ADAMTSL1: variants seen among roughly 807,000 people sequenced by gnomAD.
The protein encoded by ADAMTSL1 is ADAMTS like 1.
In ADAMTSL1, 126 loss-of-function variants were observed where a neutral mutation model predicts 201.8. That is an observed-to-expected ratio of 0.62 (90% CI 0.54 to 0.72). The LOEUF (loss-of-function observed/expected upper bound fraction) is 0.72, where lower values mean the gene tolerates loss of function less well. ADAMTSL1 is among the 30% of genes least tolerant of loss of function. The pLI, the probability that ADAMTSL1 is intolerant of heterozygous loss-of-function variation, is 0.00. For missense variants in ADAMTSL1, 2,679 were observed against 2,277.8 expected (o/e 1.18, Z -3.59); for synonymous variants, 1,121 against 903.4 (o/e 1.24, Z -4.32).
At chr9:18,565,930 A>G (rs1821865079) in intron 3 of ADAMTSL1, among the ~76,000 whole-genome samples, 1 of 152,210 alleles carries the variant, frequency 6.6e-6, no homozygotes, top group South Asian at 2.1e-4. Flanking sequence ...CGTGCTTACA[A>G]CATTAAATGT....
intron 1 of ADAMTSL1, among the ~76,000 whole-genome samples, chr9:18,483,437 A>C (rs969428290): frequency 3.3e-5 from 5 of 152,122 alleles, no homozygotes; most frequent in Non-Finnish European, 5.9e-5. Flanking sequence ...AACAGCCATC[A>C]TGCTGGCTTT....
At chr9:18,436,278 C>T (rs927233271) in intron 2 of ADAMTSL1, among the ~76,000 whole-genome samples, 1 of 152,136 alleles carries the variant, frequency 6.6e-6, no homozygotes, top group African/African-American at 2.4e-5. Context: ...CCACTCACCT[C>T]TTCCATTTCC....
intron 20 of ADAMTSL1, among the ~76,000 whole-genome samples, chr9:18,814,049 A>C (rs535682806): frequency 1.3e-5 from 2 of 152,294 alleles, no homozygotes; most frequent in South Asian, 4.1e-4. Context: ...CTTTTTCTAC[A>C]TCTATTGTCT....
At chr9:18,472,015 C>A (rs1327810682), upstream of ADAMTSL1, among the ~76,000 whole-genome samples, 2 of 152,160 alleles carry the variant, frequency 1.3e-5, no homozygotes, top group African/African-American at 4.8e-5. Flanking sequence ...TTTCTTTCTC[C>A]CATTACCTAT....
At chr9:18,090,109 A>T (rs993706810) in intron 1 of ADAMTSL1, among the ~76,000 whole-genome samples, 5 of 148,692 alleles carry the variant, frequency 3.4e-5, no homozygotes, top group African/African-American at 1.2e-4. Flanking sequence ...AAAAAGAAAA[A>T]GAAAGTAAGT....
intron 2 of ADAMTSL1, among the ~76,000 whole-genome samples, chr9:18,369,760 A>G (rs1029195336): frequency 6.6e-5 from 10 of 152,298 alleles, no homozygotes; most frequent in Admixed American, 2.0e-4. Context: ...GTGTCCATCA[A>G]TGGATGCCTG....
chr9:17,981,678 G>GCCCACTGAAGCTGCTTGCAC (rs1818706467), intron 1 of ADAMTSL1, among the ~76,000 whole-genome samples: 4 of 152,068 alleles, frequency 2.6e-5, no homozygotes, highest in Non-Finnish European at 5.9e-5. Flanking sequence ...AGGTTTTTTG[G>GCCCACTGAAGCTGCTTGCAC]CCCACTGAAG....
intron 4 of ADAMTSL1, among the ~76,000 whole-genome samples, chr9:18,582,073 C>A (rs992409822): frequency 1.3e-5 from 2 of 152,188 alleles, no homozygotes; most frequent in African/African-American, 2.4e-5. Context: ...CTCTACAGTT[C>A]TTTTCTGAAT....
chr9:18,771,505 T>C (rs1820685880), intron 17 of ADAMTSL1, among the ~76,000 whole-genome samples: 1 of 152,170 alleles, frequency 6.6e-6, no homozygotes, highest in Admixed American at 6.5e-5. Flanking sequence ...CCACTACCAC[T>C]TCGAGTTGCC....
intron 9 of ADAMTSL1, among the ~76,000 whole-genome samples, chr9:18,675,205 A>G (rs980474310): frequency 2.6e-5 from 4 of 152,196 alleles, no homozygotes; most frequent in African/African-American, 7.2e-5. Flanking sequence ...CCCACTTTTC[A>G]TAATATCTCA....
intron 2 of ADAMTSL1, among the ~76,000 whole-genome samples, chr9:18,257,839 A>G: frequency 6.6e-6 from 1 of 152,234 alleles, no homozygotes; most frequent in African/African-American, 2.4e-5. Context: ...GTTATAATGA[A>G]TCTTACAAAT....
chr9:17,930,604 G>A (rs1826742496), intron 1 of ADAMTSL1, among the ~76,000 whole-genome samples: 1 of 152,064 alleles, frequency 6.6e-6, no homozygotes, highest in South Asian at 2.1e-4. Flanking sequence ...CTGATGTCTG[G>A]ATACATATGG....
At chr9:18,721,864 C>T (rs542449745) in intron 15 of ADAMTSL1, among the ~76,000 whole-genome samples, 199 bp downstream of exon 15, 1 of 152,288 alleles carries the variant, frequency 6.6e-6, no homozygotes, top group African/African-American at 2.4e-5. Flanking sequence ...ATGGTCATGC[C>T]AGAATCTGGA....
chr9:18,291,079 G>C (rs74389836), intron 2 of ADAMTSL1, among the ~76,000 whole-genome samples: 9,216 of 152,124 alleles, frequency 0.061, 926 homozygotes, highest in African/African-American at 0.21. Context: ...CCGCACCCGG[G>C]CCACTAAAGC....
intron 2 of ADAMTSL1, among the ~76,000 whole-genome samples, chr9:18,442,854 G>A (rs1442599558): frequency 2.0e-5 from 3 of 152,214 alleles, no homozygotes; most frequent in Non-Finnish European, 4.4e-5. Context: ...CCCTCCAAGG[G>A]AGAGCAGGGC....
At chr9:18,629,545 T>G (rs757082445) in intron 5 of ADAMTSL1, among the ~76,000 whole-genome samples, 1 of 152,164 alleles carries the variant, frequency 6.6e-6, no homozygotes. Flanking sequence ...ATGAATTACA[T>G]TAATTGGTTT....
chr9:18,353,253 G>A (rs1406238141), intron 2 of ADAMTSL1, among the ~76,000 whole-genome samples: 1 of 152,190 alleles, frequency 6.6e-6, no homozygotes, highest in African/African-American at 2.4e-5. Context: ...CAGTGGTAAA[G>A]TGGTTAATAC....
At chr9:18,093,707 C>A (rs187594754) in intron 1 of ADAMTSL1, among the ~76,000 whole-genome samples, 1 of 152,038 alleles carries the variant, frequency 6.6e-6, no homozygotes, top group Non-Finnish European at 1.5e-5. Flanking sequence ...TTTAGCCATC[C>A]CTGGGTTTCA....
At chr9:18,080,884 T>C (rs1279989999) in intron 1 of ADAMTSL1, among the ~76,000 whole-genome samples, 6 of 152,202 alleles carry the variant, frequency 3.9e-5, no homozygotes, top group African/African-American at 1.4e-4. Flanking sequence ...AAAAAGCCTC[T>C]CATTATTTTA....
Sources: gnomAD v4.1 joint callset for allele counts (sites outside exome capture counted in the v4.1 genomes callset) on GRCh38, gnomAD v4.1.1 for gene constraint, MANE v1.5 for transcripts, NCBI Gene and HGNC (gene_info 2026-07-23, HGNC 2026-07-21) for gene names.